The following ARHGEF4 variants were observed in gnomAD, a reference collection of about 807,000 sequenced individuals.
ARHGEF4 encodes Rho guanine nucleotide exchange factor 4, also known as APC-stimulated guanine nucleotide exchange factor 1.
ARHGEF4 carries 119 observed loss-of-function variants against 162.0 expected under a neutral mutation model. That is an observed-to-expected ratio of 0.73 (90% CI 0.63 to 0.86). ARHGEF4 has a LOEUF of 0.86. ARHGEF4 is among the 40% of genes least tolerant of loss of function. The pLI is 0.00. For synonymous variants in ARHGEF4, 1,014 were observed against 979.9 expected, an observed-to-expected ratio of 1.03 and a Z score of -0.65; for missense variants, 2,488 against 2,456.0, an observed-to-expected ratio of 1.01 and a Z score of -0.28.
Position 131,038,483 on chromosome 2 carries a change from C to G in ARHGEF4, c.4126-370C>G, listed in dbSNP as rs541596362. Among the ~76,000 whole-genome samples the G allele has an allele frequency of 4.1e-5, 6 of 147,190 alleles. No homozygotes were observed. The South Asian group carries it at 1.1e-3, about 27-fold the overall frequency. On this transcript the variant is annotated intron_variant, in intron 5 of 13. Transcript: ENST00000409359. The stretch of plus-strand genomic sequence containing the variant: ...GCAGCCCAGCCTCTCCCTCCTGCAG[C>G]CTTGCAGCCCTCAGCCCCTCCCTCC...
At position 130,915,984 on chromosome 2, in the gene ARHGEF4, A is replaced by G. The variant is rs1260323502; in HGVS notation, c.2038A>G (p.Arg680Gly). ...TGETPCESPT[R>G]GKTPAGNECE... ...CGAGACCCCCTGTGAGTCTCCCACT[A>G]GGGGGAAAACACCAGCCGGTAATGA... Residue 680 changes from arginine to glycine, a missense_variant, in exon 2 of 14, where the codon AGG becomes GGG. Around this residue, in one of 6 missense-constraint regions of ARHGEF4, gnomAD observed 1,642 missense variants for 1,481.5 expected, o/e 1.11. Coordinates refer to ENST00000409359, the MANE Select transcript of ARHGEF4 (RefSeq NM_001367493.1). 45 of 1,550,354 alleles carry G rather than the reference A, an allele frequency of 2.9e-5. No homozygotes were observed. Among genetic ancestry groups the G allele is most frequent in the Middle Eastern group, 1.7e-4 (1 of 6,014 alleles).
At chr2:130,978,334 T>C (rs756161275) in intron 4 of ARHGEF4, among the ~76,000 whole-genome samples, 5 of 152,184 alleles carry the variant, frequency 3.3e-5, no homozygotes, top group Non-Finnish European at 7.3e-5. Context: ...TAATCTAATA[T>C]AGAGTTTTCT....
chr2:131,016,694 C>T (rs903881043), intron 4 of ARHGEF4, among the ~76,000 whole-genome samples: 1 of 152,232 alleles, frequency 6.6e-6, no homozygotes, highest in Admixed American at 6.5e-5. Context: ...GCAGACACAA[C>T]CTGGGGGCCC....
chr2:130,900,103 A>G (rs1236170279), intron 1 of ARHGEF4, among the ~76,000 whole-genome samples: 1 of 152,036 alleles, frequency 6.6e-6, no homozygotes, highest in Non-Finnish European at 1.5e-5. Context: ...TATGATATCA[A>G]TTGTGTTAAA....
intron 1 of ARHGEF4, among the ~76,000 whole-genome samples, chr2:130,868,216 C>T (rs1279878973): frequency 1.3e-5 from 2 of 152,204 alleles, no homozygotes; most frequent in African/African-American, 2.4e-5. Context: ...TGAGCCACCA[C>T]ACCCGGCCAA....
intron 4 of ARHGEF4, among the ~76,000 whole-genome samples, chr2:130,950,028 T>C (rs1683855909): frequency 6.6e-6 from 1 of 152,210 alleles, no homozygotes; most frequent in Admixed American, 6.5e-5. Context: ...CCAGCAGTGG[T>C]GTGTTGTTAA....
chr2:130,926,056 T>TTCTTTCTTTCTTTCTTTC (rs1682261057), intron 2 of ARHGEF4, among the ~76,000 whole-genome samples: 1 of 103,080 alleles, frequency 9.7e-6, no homozygotes, highest in African/African-American at 3.4e-5. Context: ...TTCTCTTTCT[T>TTCTTTCTTTCTTTCTTTC]TCTTTCTTTC....
At chr2:130,947,260 G>A (rs1432439237) in intron 4 of ARHGEF4, 1 of 152,634 alleles carries the variant, frequency 6.6e-6, no homozygotes, top group Non-Finnish European at 1.5e-5. Context: ...TCCATATGGT[G>A]GTGCATGCCT....
chr2:130,837,467 G>C (rs1482353366), intron 1 of ARHGEF4: 2 of 342,868 alleles, frequency 5.8e-6, no homozygotes, highest in African/African-American at 4.5e-5. Context: ...TCCCCAGGCT[G>C]AGAGTACGCG....
rs778323441 is a variant in ARHGEF4 at position 130,914,145 on chromosome 2, A to G, written c.199A>G (p.Lys67Glu). 187 of 1,536,040 alleles carry G rather than the reference A, an allele frequency of 1.2e-4. No homozygotes were observed. The highest frequency in any genetic ancestry group is 1.6e-4 in the Non-Finnish European group (179 of 1,146,926). ...SQQSESGSDT[K>E]TDPFESASDT... Reference sequence around the variant, plus strand: ...GCAGAGTGAAAGTGGATCAGACACAAAAACTGACCCCTTTGAAAGTGCCTC... The same window carrying G: ...GCAGAGTGAAAGTGGATCAGACACAGAAACTGACCCCTTTGAAAGTGCCTC... The change falls in exon 2 of 14, where the codon AAA becomes GAA. Residue 67 changes from lysine (K) to glutamate (E), a missense_variant. This residue lies in a region of ARHGEF4 where 171 missense variants were observed against 169.4 expected (regional missense o/e 1.01). Coordinates refer to ENST00000409359, the MANE Select transcript of ARHGEF4 (RefSeq NM_001367493.1).
intron 11 of ARHGEF4, 82 bp downstream of exon 11, chr2:131,043,665 A>G: frequency 1.3e-6 from 2 of 1,596,776 alleles, no homozygotes; most frequent in East Asian, 2.2e-5. Context: ...GCTGCCCAGA[A>G]GACAGGTGCC....
intron 5 of ARHGEF4, among the ~76,000 whole-genome samples, chr2:131,037,157 C>T (rs1024400196): frequency 6.6e-6 from 1 of 152,192 alleles, no homozygotes; most frequent in Non-Finnish European, 1.5e-5. Context: ...GCGTGGCTGC[C>T]GCGCTGTGAG....
At chr2:130,877,521 A>G (rs1316587889) in intron 1 of ARHGEF4, among the ~76,000 whole-genome samples, 2 of 152,120 alleles carry the variant, frequency 1.3e-5, no homozygotes, top group Non-Finnish European at 2.9e-5. Flanking sequence ...GGTGGTGCAC[A>G]TGCCTCTAGT....
intron 1 of ARHGEF4, among the ~76,000 whole-genome samples, chr2:130,907,617 T>C (rs1359099075): frequency 6.6e-6 from 1 of 152,120 alleles, no homozygotes; most frequent in Admixed American, 6.5e-5. Context: ...TGGGTTGTTT[T>C]CTGATTGTGG....
At chr2:131,023,718 G>C (rs999802062) in intron 4 of ARHGEF4, among the ~76,000 whole-genome samples, 1 of 152,162 alleles carries the variant, frequency 6.6e-6, no homozygotes, top group Non-Finnish European at 1.5e-5. Context: ...TAAAAGCTAA[G>C]TAGTCAACTA....
chr2:130,990,847 TG>T (rs1686902689), intron 4 of ARHGEF4, among the ~76,000 whole-genome samples: 1 of 152,032 alleles, frequency 6.6e-6, no homozygotes, highest in African/African-American at 2.4e-5. Context: ...TTTGAATTAT[TG>T]GTAAAGGAAA....
chr2:131,035,612 C>T (rs1015547468), intron 5 of ARHGEF4: 2 of 979,504 alleles, frequency 2.0e-6, no homozygotes, highest in Non-Finnish European at 2.4e-6. Flanking sequence ...GGTGAGCGAC[C>T]CGCGCTTGCA....
chr2:130,962,146 G>A (rs1342889524), intron 4 of ARHGEF4, among the ~76,000 whole-genome samples: 1 of 151,758 alleles, frequency 6.6e-6, no homozygotes, highest in Admixed American at 6.6e-5. Context: ...GGCTGAGGCA[G>A]GAGAATCGCT....
intron 4 of ARHGEF4, among the ~76,000 whole-genome samples, chr2:131,010,063 C>A (rs1490392129): frequency 6.6e-6 from 1 of 152,218 alleles, no homozygotes; most frequent in Non-Finnish European, 1.5e-5. Context: ...TACTAGGCTG[C>A]TTGGAGTATT....
Sources: gnomAD v4.1 joint callset for allele counts (sites outside exome capture counted in the v4.1 genomes callset) on GRCh38, gnomAD v4.1.1 for gene constraint, gnomAD v4.1.1 regional missense constraint, MANE v1.5 for transcripts, NCBI Gene and HGNC (gene_info 2026-07-23, HGNC 2026-07-21) for gene names.